The following ZNF438 variants were observed in gnomAD, a reference collection of about 807,000 sequenced individuals.
ZNF438 encodes the protein zinc finger protein 438.
In ZNF438, 25 loss-of-function variants were observed where a neutral mutation model predicts 38.0. The observed-to-expected ratio is 0.66, with a 90% CI of 0.48 to 0.92. The LOEUF is 0.92. Among genes scored for constraint, ZNF438 ranks in the 40% least tolerant of loss-of-function variants. The pLI is 0.00. For synonymous variants in ZNF438, 372 were observed against 364.1 expected, an observed-to-expected ratio of 1.02 and a Z score of -0.25; for missense variants, 1,007 against 999.6, an observed-to-expected ratio of 1.01 and a Z score of -0.10.
At chr10:30,845,701 CAGAG>C (rs1296246922) in intron 5 of ZNF438, 128 bp from the exon 7 acceptor site, 1 of 1,126,154 alleles carries the variant, frequency 8.9e-7, no homozygotes, top group Admixed American at 2.7e-5. Flanking sequence ...CTGGGGTAAA[CAGAG>C]AGCACCTGGG....
intron 3 of ZNF438, among the ~76,000 whole-genome samples, chr10:30,900,758 A>G (rs2041883482): frequency 6.6e-6 from 1 of 152,238 alleles, no homozygotes. Context: ...ACAGAAGGTA[A>G]GTACACATGA....
At chr10:30,985,885 T>C (rs745510013) in intron 1 of ZNF438, among the ~76,000 whole-genome samples, 2 of 152,220 alleles carry the variant, frequency 1.3e-5, no homozygotes, top group East Asian at 1.9e-4. Context: ...TATTAATATA[T>C]AGTCATCCAC....
At chr10:30,961,163 GTT>G (rs1156667139) in intron 1 of ZNF438, among the ~76,000 whole-genome samples, 3 of 136,214 alleles carry the variant, frequency 2.2e-5, no homozygotes, top group African/African-American at 5.2e-5. Flanking sequence ...AAAAAAAAAA[GTT>G]TTTTTTACAT....
chr10:30,949,832 G>T (rs1388049187), intron 1 of ZNF438, among the ~76,000 whole-genome samples: 1 of 151,926 alleles, frequency 6.6e-6, no homozygotes, highest in Non-Finnish European at 1.5e-5. Flanking sequence ...ACATTAGACA[G>T]ATCAACGAGA....
intron 1 of ZNF438, among the ~76,000 whole-genome samples, chr10:31,027,427 A>T (rs1463632305): frequency 6.6e-6 from 1 of 151,988 alleles, no homozygotes; most frequent in Admixed American, 6.6e-5. Context: ...ACTATCTAGG[A>T]TGTTATATTT....
intron 1 of ZNF438, among the ~76,000 whole-genome samples, chr10:31,027,396 A>G (rs189740906): frequency 6.6e-6 from 1 of 152,206 alleles, no homozygotes; most frequent in East Asian, 1.9e-4. Context: ...GTAAATTTTA[A>G]AAGGAATCTG....
At chr10:30,926,917 G>C (rs1245226407) in intron 2 of ZNF438, among the ~76,000 whole-genome samples, 1 of 152,186 alleles carries the variant, frequency 6.6e-6, no homozygotes, top group Non-Finnish European at 1.5e-5. Flanking sequence ...ATCAAGTTAA[G>C]TAGGTTAATT....
exon 5 of ZNF438, chr10:30,849,798 A>G (rs1362509028): frequency 1.2e-6 from 2 of 1,613,916 alleles, no homozygotes; most frequent in Non-Finnish European, 1.7e-6. Flanking sequence ...GGTGGTCTCA[A>G]GTCCCCATGG....
At chr10:30,980,839 A>G (rs986143408) in intron 1 of ZNF438, among the ~76,000 whole-genome samples, 1 of 152,222 alleles carries the variant, frequency 6.6e-6, no homozygotes, top group African/African-American at 2.4e-5. Context: ...ACTCTTCCTC[A>G]AAAAGAAGTT....
chr10:31,016,857 G>C (rs1346610724), intron 1 of ZNF438, among the ~76,000 whole-genome samples: 3 of 152,142 alleles, frequency 2.0e-5, no homozygotes, highest in Non-Finnish European at 4.4e-5. Context: ...CCAAAGGTGG[G>C]AGTGCATCCT....
intron 2 of ZNF438, among the ~76,000 whole-genome samples, chr10:30,941,232 CAACT>C (rs2046789871): frequency 6.6e-6 from 1 of 152,050 alleles, no homozygotes; most frequent in Non-Finnish European, 1.5e-5. Context: ...CCACCATGCC[CAACT>C]AATTTTTGTA....
chr10:30,905,471 T>G (rs2042486247), intron 3 of ZNF438, among the ~76,000 whole-genome samples: 2 of 152,336 alleles, frequency 1.3e-5, no homozygotes, highest in Admixed American at 1.3e-4. Flanking sequence ...TATTGTTGAG[T>G]TGTAACAGTT....
intron 1 of ZNF438, among the ~76,000 whole-genome samples, chr10:31,016,971 C>A (rs1800736058): frequency 6.6e-6 from 1 of 152,312 alleles, no homozygotes; most frequent in Admixed American, 6.5e-5. Context: ...CAATATACAA[C>A]CCTCTTCAAC....
intron 1 of ZNF438, among the ~76,000 whole-genome samples, chr10:30,947,430 C>T (rs1022245809): frequency 1.3e-5 from 2 of 152,268 alleles, no homozygotes; most frequent in African/African-American, 2.4e-5. Flanking sequence ...CTCTTCAAAG[C>T]TGTCAGACAG....
At chr10:30,900,594 A>G (rs2041865166) in intron 3 of ZNF438, among the ~76,000 whole-genome samples, 2 of 152,188 alleles carry the variant, frequency 1.3e-5, no homozygotes, top group South Asian at 2.1e-4. Flanking sequence ...CTTGGGATGG[A>G]TATTTTATGA....
intron 2 of ZNF438, among the ~76,000 whole-genome samples, chr10:30,940,578 CA>C (rs961163196): frequency 1.3e-5 from 2 of 152,180 alleles, no homozygotes; most frequent in Non-Finnish European, 2.9e-5. Context: ...AAGTGGGGTA[CA>C]TTTTCAGGAT....
intron 4 of ZNF438, among the ~76,000 whole-genome samples, chr10:30,856,174 G>T (rs904944852): frequency 1.3e-5 from 2 of 152,096 alleles, no homozygotes; most frequent in Non-Finnish European, 2.9e-5. Context: ...AATTGCTAAC[G>T]ATCAGGGAAG....
At chr10:30,988,681 CTT>C (rs1270350209) in intron 1 of ZNF438, among the ~76,000 whole-genome samples, 1 of 152,020 alleles carries the variant, frequency 6.6e-6, no homozygotes, top group East Asian at 1.9e-4. Flanking sequence ...TTAGAAATAA[CTT>C]TATTTTTAAA....
chr10:30,882,218 A>G (rs2039353531), intron 3 of ZNF438, among the ~76,000 whole-genome samples: 1 of 152,216 alleles, frequency 6.6e-6, no homozygotes, highest in Non-Finnish European at 1.5e-5. Context: ...AAATCTCCCA[A>G]TTTACAATGG....
Sources: gnomAD v4.1 joint callset for allele counts (sites outside exome capture counted in the v4.1 genomes callset) on GRCh38, gnomAD v4.1.1 for gene constraint, MANE v1.5 for transcripts, NCBI Gene and HGNC (gene_info 2026-07-23, HGNC 2026-07-21) for gene names.